PSG5: variants seen among roughly 807,000 people sequenced by gnomAD.
The protein encoded by PSG5 is pregnancy-specific beta-1-glycoprotein 5.
PSG5 carries 53 observed loss-of-function variants against 37.7 expected under a neutral mutation model. That is an observed-to-expected ratio of 1.41 (90% CI 1.13 to 1.77). PSG5 has a LOEUF of 1.77. Ranked by LOEUF, PSG5 falls within the 40% of genes most tolerant of loss-of-function variation. The pLI, the probability that PSG5 is intolerant of heterozygous loss-of-function variation, is 0.00. For missense variants in PSG5, 547 were observed against 405.2 expected (o/e 1.35, Z -3.00); for synonymous variants, 221 against 155.4 (o/e 1.42, Z -3.14).
intron 2 of PSG5, among the ~76,000 whole-genome samples, chr19:43,179,320 GCT>G (rs1382238662): frequency 4.6e-5 from 7 of 151,344 alleles, no homozygotes; most frequent in Non-Finnish European, 1.0e-4. Context: ...CAATCTGAGA[GCT>G]CAGAGATTGT....
In PSG5 at chr19:43,184,101, G is replaced by A. The variant is rs927692105; in HGVS notation, c.430+681C>T. Among the ~76,000 whole-genome samples, 13 of 151,612 alleles carry A rather than the reference G, an allele frequency of 8.6e-5. 1 individual carries two copies. Among genetic ancestry groups the A allele is most frequent in the Non-Finnish European group, 5.9e-5 (4 of 67,910 alleles). On this transcript the variant is annotated intron_variant, in intron 2 of 5. Transcript: ENST00000342951. ...TCTCCCTTCTGTTTATGCTTCTGGG[G>A]ACATTAGACTTTCTATGGACTGTCC...
intron 2 of PSG5, among the ~76,000 whole-genome samples, chr19:43,182,705 A>ATTTTTTTTTTTTTTTTTTTTTTTTTTT (rs534568803): frequency 2.2e-4 from 13 of 58,462 alleles, no homozygotes; most frequent in South Asian, 6.5e-4. Context: ...CATTTCAATA[A>ATTTTTTTTTTTTTTTTTTTTTTTTTTT]TTTTTTTTTT....
chr19:43,175,306 A>T lies in PSG5; in HGVS notation c.873T>A (p.Ile291=). 6.2e-7 allele frequency: 1 copy of T among 1,612,664 alleles called. No homozygotes were observed. Among genetic ancestry groups the T allele is most frequent in the South Asian group, 1.1e-5 (1 of 91,058 alleles). The change falls in exon 4 of 6, where the codon ATT becomes ATA. Residue 291 remains isoleucine, a synonymous_variant. Coordinates refer to ENST00000342951, the MANE Select transcript of PSG5 (RefSeq NM_002781.4). ...TATAGAGCCCTCTATGCTTTGTAGT[A>T]ATTTGGGGGATAGAGAGCTTTTGTC... ...QSGQKLSIPQ[I]TTKHRGLYTC... is the part of the protein sequence containing the mutation.
rs1399241992 is a variant in PSG5 at position 43,184,876 on chromosome 19, G to A, written c.336C>T (p.Val112=). 1.2e-6 allele frequency: 2 copies of A among 1,612,606 alleles called. No individual in the cohort carries two copies. The highest frequency in any genetic ancestry group is 1.7e-6 in the Non-Finnish European group (2 of 1,179,174). ...YSNASLLIQN[V]TREDAGSYTL... Reference sequence around the variant, plus strand: ...TGTAGGATCCTGCGTCTTCCCGGGTGACATTCTGGATCAGCAGGGATGCAT... The same window carrying A: ...TGTAGGATCCTGCGTCTTCCCGGGTAACATTCTGGATCAGCAGGGATGCAT... Residue 112 remains valine (V), a synonymous_variant, in exon 2 of 6, where the codon GTC becomes GTT. Transcript: ENST00000342951.
At position 43,176,243 on chromosome 19, in the gene PSG5, C is replaced by T. The variant is rs549870219; in HGVS notation, c.431-95G>A. 1.0e-5 allele frequency: 16 copies of T among 1,552,652 alleles called. 2 individuals are homozygous for T. In the African/African-American group the frequency reaches 1.5e-4, roughly 15 times the overall value. On this transcript the variant is annotated intron_variant, in intron 2 of 5. Transcript: ENST00000342951. ...AGAGTTGGCATCTCCCACCTGTCAA[C>T]CCACCAGAGTCCTTGAAAGCCAGTA...
chr19:43,168,956 C>T (rs1472657031), intron 5 of PSG5, among the ~76,000 whole-genome samples: 8 of 151,532 alleles, frequency 5.3e-5, no homozygotes, highest in South Asian at 2.1e-4. Flanking sequence ...CCTATTACAA[C>T]AAGAGTTCTC....
At chr19:43,175,148 C>G (rs751821068) in intron 4 of PSG5, 67 bp downstream of exon 4, 1 of 1,610,866 alleles carries the variant, frequency 6.2e-7, no homozygotes, top group Non-Finnish European at 8.5e-7. Context: ...GTTTTCCTAA[C>G]TCTTCTCTGA....
intron 2 of PSG5, among the ~76,000 whole-genome samples, chr19:43,181,366 G>C (rs1969124358): frequency 6.6e-6 from 1 of 151,558 alleles, no homozygotes; most frequent in African/African-American, 2.4e-5. Context: ...TTTCAGTTTT[G>C]GAAGTTTCTA....
chr19:43,185,176 A>T, intron 1 of PSG5, 29 bp from the exon 2 acceptor site: 1 of 1,574,430 alleles, frequency 6.4e-7, no homozygotes, highest in Non-Finnish European at 8.6e-7. Flanking sequence ...ACCAGTCAAT[A>T]TTGAGACCTG....
intron 4 of PSG5, chr19:43,171,006 G>T (rs1968894345): frequency 9.0e-6 from 1 of 111,380 alleles, no homozygotes; most frequent in Non-Finnish European, 1.8e-5. Flanking sequence ...ATGGAAAAAG[G>T]TAGGTACTGT....
At chr19:43,177,090 T>A (rs1437741355) in intron 2 of PSG5, among the ~76,000 whole-genome samples, 1 of 151,650 alleles carries the variant, frequency 6.6e-6, no homozygotes. Context: ...TTTCTTTCAC[T>A]GGACATTCTA....
In PSG5 at chr19:43,184,756, C is replaced by T. The variant is rs113045960; in HGVS notation, c.430+26G>A. 3.0e-3 allele frequency: 4,774 copies of T among 1,611,604 alleles called. 267 individuals are homozygous for T. The African/African-American group carries it at 0.056, about 19-fold the overall frequency. Reference sequence around the variant, plus strand: ...TAGAAATGACCCCTGTCCCCCAACACCCAGGGATCATGTGGAATCACTCAC... The same window carrying T: ...TAGAAATGACCCCTGTCCCCCAACATCCAGGGATCATGTGGAATCACTCAC... On this transcript the variant is annotated intron_variant, in intron 2 of 5. Transcript: ENST00000342951.
chr19:43,180,308 C>T (rs1003185089), intron 2 of PSG5: 1 of 151,590 alleles, frequency 6.6e-6, no homozygotes, highest in Non-Finnish European at 1.5e-5. Flanking sequence ...CATGCAGATA[C>T]AGTGCTCCTT....
In PSG5 at chr19:43,175,770, G is replaced by A. The variant is rs1599747651; in HGVS notation, c.709+100C>T. 1.3e-5 allele frequency: 20 copies of A among 1,561,562 alleles called. No individual in the cohort carries two copies. The South Asian group carries it at 1.7e-4, about 13-fold the overall frequency. On this transcript the variant is annotated intron_variant, in intron 3 of 5. Transcript: ENST00000342951. ...GCCAGCTCAGATGTCCAGAAATAAA[G>A]GTGTCTATACTTGGACCGGAGAAAG... is the stretch of plus-strand genomic sequence containing the variant.
chr19:43,168,683 T>G (rs1968840400), intron 5 of PSG5, among the ~76,000 whole-genome samples: 1 of 151,734 alleles, frequency 6.6e-6, no homozygotes, highest in Non-Finnish European at 1.5e-5. Flanking sequence ...AGAATACTCA[T>G]ATTATTAACA....
intron 4 of PSG5, chr19:43,170,412 T>A (rs536706481): frequency 2.2e-6 from 1 of 464,894 alleles, no homozygotes; most frequent in South Asian, 2.0e-5. Flanking sequence ...TGATTGCTAT[T>A]TTCTATGTCA....
rs1058193 is a variant in PSG5 at position 43,167,889 on chromosome 19, A to T, written c.*355T>A. On this transcript the variant is annotated 3_prime_UTR_variant, in exon 6 of 6. Transcript: ENST00000342951. ...ACTTTACCAATTGCTCAAGAAAAAA[A>T]GTTCATAAATCTGGAGAATAAAACA... is the stretch of plus-strand genomic sequence containing the variant. 1 of 363,066 alleles carries T rather than the reference A, an allele frequency of 2.8e-6. No homozygotes were observed. Among genetic ancestry groups the T allele is most frequent in the Non-Finnish European group, 5.1e-6 (1 of 196,680 alleles). The allele number at this position is 363,066 out of a possible 1,614,324, so 22.5% of individuals were successfully genotyped here. A position where few individuals can be genotyped will look rare whatever the true frequency, so the allele number is the denominator to read the frequency against.
At chr19:43,181,527 C>T (rs1969128107) in intron 2 of PSG5, among the ~76,000 whole-genome samples, 1 of 151,590 alleles carries the variant, frequency 6.6e-6, no homozygotes. Context: ...GGCATGATCT[C>T]AGCTCACTGC....
chr19:43,176,366 G>A (rs188776967), intron 2 of PSG5, among the ~76,000 whole-genome samples: 1 of 151,624 alleles, frequency 6.6e-6, no homozygotes, highest in Non-Finnish European at 1.5e-5. Context: ...ACTTTCTCAA[G>A]TGTCAATTGA....
Sources: allele counts gnomAD v4.1 joint callset (sites outside exome capture counted in the v4.1 genomes callset), GRCh38; gene constraint gnomAD v4.1.1; transcripts MANE v1.5; gene names NCBI Gene and HGNC (gene_info 2026-07-23, HGNC 2026-07-21).